Variants in CTNND2 observed in about 807,000 individuals in gnomAD.
CTNND2 encodes the protein catenin delta-2.
In CTNND2, 22 loss-of-function variants were observed where a neutral mutation model predicts 144.4. The ratio of observed to expected loss-of-function variants is 0.15; its 90% CI spans 0.11 to 0.22. CTNND2 has a LOEUF of 0.22. CTNND2 is among the 10% of genes least tolerant of loss of function. CTNND2 has a pLI of 1.00. For synonymous variants in CTNND2, 751 were observed against 695.6 expected (o/e 1.08, Z -1.25); for missense variants, 1,353 against 1,618.8 (o/e 0.84, Z 2.82).
At chr5:11,793,175 A>C (rs1406961642) in intron 1 of CTNND2, among the ~76,000 whole-genome samples, 2 of 152,146 alleles carry the variant, frequency 1.3e-5, no homozygotes, top group Non-Finnish European at 2.9e-5. Context: ...CCTTACTATA[A>C]ATGTCCACTC....
At chr5:11,534,797 T>A (rs72732976) in intron 3 of CTNND2, among the ~76,000 whole-genome samples, 2 of 152,062 alleles carry the variant, frequency 1.3e-5, no homozygotes, top group African/African-American at 4.8e-5. Context: ...CTAAGAAATA[T>A]GTAAGTTAGT....
At chr5:11,526,148 C>T (rs373659166) in intron 3 of CTNND2, among the ~76,000 whole-genome samples, 8 of 152,274 alleles carry the variant, frequency 5.3e-5, no homozygotes, top group South Asian at 2.1e-4. Context: ...GTGATCTACT[C>T]GCCTCAGCTT....
At chr5:11,721,654 C>T (rs1395858611) in intron 2 of CTNND2, among the ~76,000 whole-genome samples, 2 of 152,200 alleles carry the variant, frequency 1.3e-5, no homozygotes, top group African/African-American at 4.8e-5. Flanking sequence ...GGAAAGGTTG[C>T]TAAGTCAGTG....
intron 2 of CTNND2, among the ~76,000 whole-genome samples, chr5:11,593,500 T>C (rs1292454743): frequency 6.6e-6 from 1 of 152,188 alleles, no homozygotes; most frequent in East Asian, 1.9e-4. Context: ...TCATCTTGAA[T>C]TGTAGCTCCC....
chr5:11,480,200 G>T (rs1217419382), intron 3 of CTNND2, among the ~76,000 whole-genome samples: 1 of 152,128 alleles, frequency 6.6e-6, no homozygotes, highest in Non-Finnish European at 1.5e-5. Flanking sequence ...GTGTAAGGAA[G>T]GGGTCCAGAT....
intron 3 of CTNND2, among the ~76,000 whole-genome samples, chr5:11,506,467 C>T (rs1274423248): frequency 6.6e-6 from 1 of 152,160 alleles, no homozygotes; most frequent in African/African-American, 2.4e-5. Context: ...GTAGGATGAA[C>T]AAGTCTGGAG....
At chr5:11,734,917 C>A (rs1203988156) in intron 1 of CTNND2, among the ~76,000 whole-genome samples, 2 of 151,778 alleles carry the variant, frequency 1.3e-5, no homozygotes, top group African/African-American at 4.8e-5. Flanking sequence ...AATAATATCA[C>A]CAATGGGGAT....
chr5:11,711,393 T>G (rs970960609), intron 2 of CTNND2, among the ~76,000 whole-genome samples: 3 of 152,138 alleles, frequency 2.0e-5, no homozygotes, highest in Admixed American at 2.0e-4. Flanking sequence ...TTATATATAT[T>G]TAATCGGCAT....
At chr5:11,715,830 C>CA (rs1471672075) in intron 2 of CTNND2, among the ~76,000 whole-genome samples, 1 of 152,052 alleles carries the variant, frequency 6.6e-6, no homozygotes, top group Non-Finnish European at 1.5e-5. Flanking sequence ...ATGAAAATGA[C>CA]AAAAAACAAA....
In CTNND2 at chr5:11,603,041, C is replaced by T. The variant is rs553269577; in HGVS notation, c.175-37985G>A. ...GGTTGGTAATTTAAAAGTAAAAATGCTTCTCAGATTATTCTCTAACCTATT... is the reference window on the plus strand; with the variant it reads ...GGTTGGTAATTTAAAAGTAAAAATGTTTCTCAGATTATTCTCTAACCTATT... On this transcript the variant is annotated intron_variant, in intron 2 of 21. Transcript: ENST00000304623. Among the ~76,000 whole-genome samples the T allele has an allele frequency of 3.4e-4, 52 of 151,998 alleles. 1 individual carries two copies. The South Asian group carries it at 9.4e-3, about 27-fold the overall frequency.
chr5:11,284,037 T>C (rs1044290901), intron 9 of CTNND2, among the ~76,000 whole-genome samples: 6 of 152,156 alleles, frequency 3.9e-5, no homozygotes, highest in African/African-American at 1.4e-4. Flanking sequence ...GATGGTCCCT[T>C]TACTGAGGAA....
At chr5:11,235,338 T>C (rs56102025) in intron 10 of CTNND2, among the ~76,000 whole-genome samples, 1,567 of 152,310 alleles carry the variant, frequency 0.01, 18 homozygotes, top group African/African-American at 0.025. Flanking sequence ...CAGTCAGAAA[T>C]CTGTCCTTTA....
At chr5:11,885,886 C>T (rs1291348396) in intron 1 of CTNND2, among the ~76,000 whole-genome samples, 1 of 152,020 alleles carries the variant, frequency 6.6e-6, no homozygotes, top group Non-Finnish European at 1.5e-5. Flanking sequence ...TTGAAAACTA[C>T]AAATATCATG....
intron 16 of CTNND2, among the ~76,000 whole-genome samples, chr5:11,060,072 C>A (rs1434602743): frequency 6.6e-6 from 1 of 152,126 alleles, no homozygotes; most frequent in Non-Finnish European, 1.5e-5. Context: ...TGCCTCCCTG[C>A]AGGCTATTCT....
At chr5:11,329,868 C>T (rs1361413547) in intron 9 of CTNND2, among the ~76,000 whole-genome samples, 2 of 152,214 alleles carry the variant, frequency 1.3e-5, no homozygotes, top group Non-Finnish European at 2.9e-5. Flanking sequence ...TTCAATGAGA[C>T]TCGTCTGGCT....
chr5:11,708,927 T>C (rs886976460), intron 2 of CTNND2, among the ~76,000 whole-genome samples: 3 of 152,202 alleles, frequency 2.0e-5, no homozygotes, highest in Non-Finnish European at 4.4e-5. Context: ...TAGCCCCTTG[T>C]GTCTGTCTCC....
intron 11 of CTNND2, among the ~76,000 whole-genome samples, chr5:11,177,207 A>G (rs1456192434): frequency 1.3e-5 from 2 of 152,188 alleles, no homozygotes; most frequent in Admixed American, 6.5e-5. Context: ...CAGGGACTAT[A>G]TAAGTTGATG....
intron 8 of CTNND2, among the ~76,000 whole-genome samples, chr5:11,353,679 T>G (rs1755572539): frequency 6.6e-6 from 1 of 151,962 alleles, no homozygotes; most frequent in African/African-American, 2.4e-5. Context: ...GGCAGGCACC[T>G]GTAATCCCAG....
At chr5:11,278,327 C>T (rs2149991264) in intron 9 of CTNND2, among the ~76,000 whole-genome samples, 1 of 152,334 alleles carries the variant, frequency 6.6e-6, no homozygotes, top group South Asian at 2.1e-4. Context: ...GTCCTATTTC[C>T]TTGTCTTTCA....
Sources: allele counts gnomAD v4.1 joint callset (sites outside exome capture counted in the v4.1 genomes callset), GRCh38; gene constraint gnomAD v4.1.1; transcripts MANE v1.5; gene names NCBI Gene and HGNC (gene_info 2026-07-23, HGNC 2026-07-21).